Variants in ACOXL observed in about 807,000 individuals in gnomAD.
ACOXL encodes acyl-coenzyme A oxidase-like protein.
A neutral mutation model predicts 71.9 loss-of-function variants in ACOXL; 70 were observed. The ratio of observed to expected loss-of-function variants is 0.97; its 90% CI spans 0.80 to 1.19. The LOEUF is 1.19. Among genes scored for constraint, ACOXL ranks in the 50% most tolerant of loss-of-function variants. The probability of loss-of-function intolerance (pLI) is 0.00; values close to 1 mark genes in which losing one functional copy is unlikely to be tolerated. For missense variants in ACOXL, 703 were observed against 736.3 expected (o/e 0.95, Z 0.52); for synonymous variants, 253 against 281.6 (o/e 0.90, Z 1.02).
chr2:110,963,854 G>T, intron 12 of ACOXL: 1 of 1,243,196 alleles, frequency 8.0e-7, no homozygotes, highest in East Asian at 2.6e-5. Context: ...TAGCTGAACA[G>T]GGGATTACGT....
At chr2:111,042,680 G>A (rs1254287394) in intron 15 of ACOXL, among the ~76,000 whole-genome samples, 1 of 152,224 alleles carries the variant, frequency 6.6e-6, no homozygotes, top group African/African-American at 2.4e-5. Context: ...AGGTGTGCTG[G>A]ATGCTACATC....
chr2:111,066,583 T>C (rs1041065924), intron 16 of ACOXL, among the ~76,000 whole-genome samples: 3 of 152,188 alleles, frequency 2.0e-5, no homozygotes, highest in African/African-American at 7.2e-5. Flanking sequence ...TTTCTGACAA[T>C]TGCATGTAAA....
intron 14 of ACOXL, among the ~76,000 whole-genome samples, chr2:110,999,065 A>C (rs1224161675): frequency 1.3e-5 from 2 of 152,214 alleles, no homozygotes; most frequent in Non-Finnish European, 2.9e-5. Flanking sequence ...TGCCATGACA[A>C]AATACCACAG....
intron 1 of ACOXL, among the ~76,000 whole-genome samples, chr2:110,757,361 A>G (rs568543922): frequency 2.6e-5 from 4 of 152,318 alleles, no homozygotes; most frequent in Admixed American, 6.5e-5. Context: ...CAGTGAACAT[A>G]TGCATGCATG....
chr2:111,022,915 T>A (rs1166355528), intron 14 of ACOXL, among the ~76,000 whole-genome samples: 1 of 152,154 alleles, frequency 6.6e-6, no homozygotes. Flanking sequence ...TTGCGACATT[T>A]CCCGTGACTC....
intron 12 of ACOXL, among the ~76,000 whole-genome samples, chr2:110,966,619 G>A (rs1413053002): frequency 1.3e-5 from 2 of 152,224 alleles, no homozygotes; most frequent in African/African-American, 4.8e-5. Context: ...TGCCTCACCT[G>A]ACATCAACAG....
intron 12 of ACOXL, among the ~76,000 whole-genome samples, chr2:110,963,093 A>C (rs1391635785): frequency 9.2e-5 from 14 of 152,200 alleles, no homozygotes. Flanking sequence ...CAGGAAGTAA[A>C]AGGAAAAAAA....
chr2:110,780,132 GACAA>G (rs1408166439), intron 2 of ACOXL, among the ~76,000 whole-genome samples: 4 of 152,116 alleles, frequency 2.6e-5, no homozygotes, highest in African/African-American at 9.7e-5. Context: ...ACAATAAAAA[GACAA>G]ACAGCCCAAT....
At chr2:111,117,105 G>A (rs540504385) in intron 17 of ACOXL, among the ~76,000 whole-genome samples, 1 of 152,344 alleles carries the variant, frequency 6.6e-6, no homozygotes, top group East Asian at 1.9e-4. Context: ...GGTCAGGACC[G>A]AAGGCGCTAG....
intron 13 of ACOXL, 52 bp downstream of exon 13, chr2:110,987,269 C>A: frequency 1.3e-6 from 2 of 1,485,714 alleles, no homozygotes; most frequent in East Asian, 2.5e-5. Context: ...TATCATGAAG[C>A]CTGAGTTCAT....
intron 12 of ACOXL, among the ~76,000 whole-genome samples, chr2:110,976,957 A>G (rs2062471039): frequency 6.6e-6 from 1 of 152,192 alleles, no homozygotes; most frequent in Non-Finnish European, 1.5e-5. Flanking sequence ...GAGAACAAAA[A>G]CTACTTAAAA....
At chr2:111,056,492 AT>A (rs1273313583) in intron 16 of ACOXL, among the ~76,000 whole-genome samples, 1 of 151,340 alleles carries the variant, frequency 6.6e-6, no homozygotes, top group African/African-American at 2.5e-5. Flanking sequence ...ACTCAAAAAA[AT>A]ATATATATAT....
chr2:110,748,696 G>A (rs549927927), intron 1 of ACOXL, among the ~76,000 whole-genome samples: 46 of 152,240 alleles, frequency 3.0e-4, no homozygotes, highest in African/African-American at 8.2e-4. Flanking sequence ...ATGCTTTGGC[G>A]GTAGGAGGTT....
intron 16 of ACOXL, among the ~76,000 whole-genome samples, chr2:111,057,114 A>C (rs1464831169): frequency 6.6e-6 from 1 of 152,212 alleles, no homozygotes; most frequent in Non-Finnish European, 1.5e-5. Flanking sequence ...GGGTTTAGGG[A>C]AGACTCCCCT....
At chr2:110,976,063 C>T (rs1202005946) in intron 12 of ACOXL, among the ~76,000 whole-genome samples, 2 of 152,068 alleles carry the variant, frequency 1.3e-5, no homozygotes, top group African/African-American at 2.4e-5. Context: ...TGGAGATTGG[C>T]GGGACCCATT....
At position 110,879,015 on chromosome 2, in the gene ACOXL, C is replaced by G. The variant is rs372069745; in HGVS notation, c.789-29774C>G. ...GAGGTTGCGGTGAGCTGAGATCACG[C>G]CACTACCCTCCAGCCTGGGCGACAG... On this transcript the variant is annotated intron_variant, in intron 10 of 17. Transcript: ENST00000439055. Among the ~76,000 whole-genome samples the G allele has an allele frequency of 7.5e-4, 113 of 151,508 alleles. 4 individuals carry two copies. The South Asian group carries it at 0.024, about 32-fold the overall frequency.
intron 12 of ACOXL, among the ~76,000 whole-genome samples, chr2:110,956,373 G>T (rs1221391674): frequency 6.6e-6 from 1 of 152,126 alleles, no homozygotes; most frequent in Non-Finnish European, 1.5e-5. Context: ...ACTCTTTTCT[G>T]CCCACTCTGT....
intron 9 of ACOXL, among the ~76,000 whole-genome samples, chr2:110,817,009 G>A (rs1051572918): frequency 3.3e-5 from 5 of 152,210 alleles, no homozygotes; most frequent in African/African-American, 1.2e-4. Context: ...CCAGCCCCAG[G>A]TGTTAACAGT....
intron 17 of ACOXL, among the ~76,000 whole-genome samples, chr2:111,095,374 T>C (rs1288194193): frequency 6.7e-6 from 1 of 150,192 alleles, no homozygotes; most frequent in Non-Finnish European, 1.5e-5. Flanking sequence ...AGTGCTTTTG[T>C]ATTTATTTTT....
Sources: gnomAD v4.1 joint callset for allele counts (sites outside exome capture counted in the v4.1 genomes callset) on GRCh38, gnomAD v4.1.1 for gene constraint, MANE v1.5 for transcripts, NCBI Gene and HGNC (gene_info 2026-07-23, HGNC 2026-07-21) for gene names.